The following RARG variants were observed in gnomAD, a reference collection of about 807,000 sequenced individuals.
The protein encoded by RARG is retinoic acid receptor gamma.
A neutral mutation model predicts 43.7 loss-of-function variants in RARG; 17 were observed. The observed-to-expected ratio is 0.39, with a 90% CI of 0.27 to 0.58. RARG has a LOEUF of 0.58. RARG is among the 20% of genes least tolerant of loss of function. The pLI, the probability that RARG is intolerant of heterozygous loss-of-function variation, is 0.57. For missense variants in RARG, 346 were observed against 598.7 expected (o/e 0.58, Z 4.40); for synonymous variants, 238 against 236.4 (o/e 1.01, Z -0.06).
In RARG at chr12:53,215,869, C is replaced by G; in HGVS notation, c.185-75G>C. The G allele has an allele frequency of 2.8e-6, 4 of 1,438,504 alleles. No individual in the cohort carries two copies. The highest frequency in any genetic ancestry group is 3.7e-6 in the Non-Finnish European group (4 of 1,077,576). The allele number at this position is 1,438,504 out of a possible 1,614,324, so 89.1% of individuals were successfully genotyped here. On this transcript the variant is annotated intron_variant, in intron 3 of 9. Transcript: ENST00000425354. This position sits in a 1 kb window ranked among gnomAD's most constrained non-coding sequence, Gnocchi z 6.4. ...CCTCCAGGCTTCCTCATCACACACA[C>G]CCCATGTGCATTTGTTCCTTGGCCC... is the stretch of plus-strand genomic sequence containing the variant.
rs1441380714 is a variant in RARG at position 53,213,895 on chromosome 12, T to C, written c.813+164A>G. ...GGAGGAGACAGGGCATCCAAAAGTC[T>C]AGGATCAGGTCATAGGGGCAGAGGC... is the stretch of plus-strand genomic sequence containing the variant. On this transcript the variant is annotated intron_variant, in intron 7 of 9. Transcript: ENST00000425354. The surrounding 1 kb of genome is among the most constrained non-coding windows in gnomAD (Gnocchi z 4.7). 4.6e-6 allele frequency: 5 copies of C among 1,087,696 alleles called. No homozygotes were observed. In the African/African-American group the frequency reaches 7.9e-5, roughly 17 times the overall value. The allele number at this position is 1,087,696 out of a possible 1,614,324, so 67.4% of individuals were successfully genotyped here. A position where few individuals can be genotyped will look rare whatever the true frequency, so the allele number is the denominator to read the frequency against.
At chr12:53,214,925 G>A in intron 5 of RARG, 1 of 412,484 alleles carries the variant, frequency 2.4e-6, no homozygotes, top group East Asian at 4.2e-5. Flanking sequence ...AGCCTTGGCA[G>A]CACAATGGGG....
intron 3 of RARG, among the ~76,000 whole-genome samples, chr12:53,216,821 A>AGTGTGTGTGTGTGTGTGTGTGT (rs35354918): frequency 1.4e-5 from 2 of 144,134 alleles, no homozygotes; most frequent in African/African-American, 5.3e-5. Context: ...CTGCTGGGTA[A>AGTGTGTGTGTGTGTGTGTGTGT]GTGTGTGTGT....
intron 5 of RARG, chr12:53,214,875 AG>A (rs576629205): frequency 4.1e-4 from 161 of 393,154 alleles, no homozygotes; most frequent in African/African-American, 3.0e-3. Flanking sequence ...GAGCTGGGGG[AG>A]GGGGGGCAGG....
intron 3 of RARG, among the ~76,000 whole-genome samples, chr12:53,216,208 T>C (rs57789211): frequency 0.12 from 18,334 of 152,124 alleles, 1,601 homozygotes; most frequent in African/African-American, 0.24. Context: ...CTTTGGTATA[T>C]CTTTGTCAGG....
chr12:53,225,095 G>A (rs1228492639), intron 3 of RARG, among the ~76,000 whole-genome samples: 2 of 152,172 alleles, frequency 1.3e-5, no homozygotes, highest in Admixed American at 1.3e-4. Flanking sequence ...TCTGCCAGAA[G>A]TACATTCATG....
At chr12:53,222,299 G>A (rs1017731968) in intron 3 of RARG, among the ~76,000 whole-genome samples, 1 of 95,724 alleles carries the variant, frequency 1.0e-5, no homozygotes, top group African/African-American at 8.0e-5. Context: ...GAGAAAGAAA[G>A]AGAGAGAGAG....
Position 53,215,006 on chromosome 12 carries a change from C to T in RARG, c.475+287G>A. 1 of 493,404 alleles carries T rather than the reference C, an allele frequency of 2.0e-6. No homozygotes were observed. The highest frequency in any genetic ancestry group is 3.6e-6 in the Non-Finnish European group (1 of 275,860). 30.6% of individuals were successfully genotyped at this position (493,404 alleles called of 1,614,324 possible). A position where few individuals can be genotyped will look rare whatever the true frequency, so the allele number is the denominator to read the frequency against. ...GCTCAGTCCAGGGGAGGGAAAGGGA[C>T]TGGCAAGCCCACTGGCTTCATTTCC... On this transcript the variant is annotated intron_variant, in intron 5 of 9. Coordinates refer to ENST00000425354, the MANE Select transcript of RARG (RefSeq NM_000966.6). This position sits in a 1 kb window ranked among gnomAD's most constrained non-coding sequence, Gnocchi z 6.4.
chr12:53,216,104 A>G (rs1042117065), intron 3 of RARG, among the ~76,000 whole-genome samples: 6 of 152,130 alleles, frequency 3.9e-5, no homozygotes, highest in Admixed American at 3.9e-4. Context: ...CATTCCGGAA[A>G]TTGACTTCTC....
intron 3 of RARG, among the ~76,000 whole-genome samples, chr12:53,221,284 A>G (rs1942954765): frequency 1.3e-5 from 2 of 151,594 alleles, no homozygotes; most frequent in Non-Finnish European, 2.9e-5. Context: ...ACGCCCCCTA[A>G]GCGCCTCGAC....
chr12:53,222,108 C>T (rs2120699258), intron 3 of RARG, among the ~76,000 whole-genome samples: 1 of 152,028 alleles, frequency 6.6e-6, no homozygotes, highest in East Asian at 1.9e-4. Context: ...GGGCTTGAAG[C>T]AGGGATGGAG....
At chr12:53,224,293 A>G (rs1943057265) in intron 3 of RARG, among the ~76,000 whole-genome samples, 1 of 151,654 alleles carries the variant, frequency 6.6e-6, no homozygotes, top group Non-Finnish European at 1.5e-5. Context: ...TCACTTCTCA[A>G]CAAGGATGTC....
At position 53,213,544 on chromosome 12, in the gene RARG, C is replaced by A. The variant is rs1452750916; in HGVS notation, c.970G>T (p.Asp324Tyr). ...CTGAGCAGCCCTGTCTCGGTGTCAT[C>A]CATCTCCAGGGGCAGGAGCTGCCCA... is the stretch of plus-strand genomic sequence containing the variant. ...FAGQLLPLEM[D>Y]DTETGLLSAI... Residue 324 changes from aspartate to tyrosine, a missense_variant, in exon 8 of 10, where the codon GAT (aspartate) becomes TAT (tyrosine). By Grantham distance (160) the Asp-to-Tyr change is radical. Transcript: ENST00000425354. This position sits in a 1 kb window ranked among gnomAD's most constrained non-coding sequence, Gnocchi z 4.7. The A allele has an allele frequency of 6.2e-7, 1 of 1,614,028 alleles. No individual in the cohort carries two copies.
At position 53,214,626 on chromosome 12, in the gene RARG, G is replaced by C. The variant is rs1234092507; in HGVS notation, c.476-20C>G. The C allele has an allele frequency of 6.3e-7, 1 of 1,589,686 alleles. No homozygotes were observed. The highest frequency in any genetic ancestry group is 8.6e-7 in the Non-Finnish European group (1 of 1,161,368). On this transcript the variant is annotated intron_variant, in intron 5 of 9. Coordinates refer to ENST00000425354, the MANE Select transcript of RARG (RefSeq NM_000966.6). ...GCACAGCTTGTGGGTGGAGGCGCAA[G>C]GAGAGGGTCAGGACCCTCAGAGCCT...
Position 53,227,801 on chromosome 12 carries a change from T to A in RARG, c.-142-114A>T, listed in dbSNP as rs1943142949. The A allele has an allele frequency of 5.0e-6, 4 of 805,440 alleles. No individual in the cohort carries two copies. The highest frequency in any genetic ancestry group is 6.6e-6 in the Non-Finnish European group (4 of 602,998). The allele number at this position is 805,440 out of a possible 1,614,324, so 49.9% of individuals were successfully genotyped here. On this transcript the variant is annotated intron_variant, in intron 2 of 9. Transcript: ENST00000425354. The surrounding 1 kb of genome is among the most constrained non-coding windows in gnomAD (Gnocchi z 4.3). ...CCCTCTGTGCTGCTACAGTTTATCC[T>A]GCCCTGGCTCAGGGCCCTTGCAGTG... is the stretch of plus-strand genomic sequence containing the variant.
chr12:53,223,518 C>T (rs1045873775), intron 3 of RARG, among the ~76,000 whole-genome samples: 1 of 137,330 alleles, frequency 7.3e-6, no homozygotes, highest in Non-Finnish European at 1.5e-5. Context: ...TGCCCGGCTC[C>T]CCCCGCCCCC....
At position 53,215,447 on chromosome 12, in the gene RARG, G is replaced by A. The variant is rs1395642289; in HGVS notation, c.334-13C>T. 2.5e-6 allele frequency: 4 copies of A among 1,613,942 alleles called. No homozygotes were observed. The highest frequency in any genetic ancestry group is 3.4e-6 in the Non-Finnish European group (4 of 1,179,892). On this transcript the variant is annotated splice_polypyrimidine_tract_variant and intron_variant, in intron 4 of 9. Coordinates refer to ENST00000425354, the MANE Select transcript of RARG (RefSeq NM_000966.6). This position sits in a 1 kb window ranked among gnomAD's most constrained non-coding sequence, Gnocchi z 6.4. ...GGCGAAAGAAGCCCTGGAGTTGAGG[G>A]AAAGAGAGAGGGCCTCTGAAGCACA... is the stretch of plus-strand genomic sequence containing the variant.
chr12:53,221,139 T>C (rs1331363618), intron 3 of RARG, among the ~76,000 whole-genome samples: 1 of 109,726 alleles, frequency 9.1e-6, no homozygotes, highest in African/African-American at 3.5e-5. Flanking sequence ...GCCCAGGCCG[T>C]CTTCAGCGCT....
At chr12:53,225,255 G>C (rs1943078042) in intron 3 of RARG, among the ~76,000 whole-genome samples, 1 of 152,162 alleles carries the variant, frequency 6.6e-6, no homozygotes, top group Non-Finnish European at 1.5e-5. Flanking sequence ...ACCCCTGTTG[G>C]ACTACAGACA....
Sources: allele counts gnomAD v4.1 joint callset (sites outside exome capture counted in the v4.1 genomes callset), GRCh38; gene constraint gnomAD v4.1.1; non-coding constraint Gnocchi (gnomAD v3.1); transcripts MANE v1.5; gene names NCBI Gene and HGNC (gene_info 2026-07-23, HGNC 2026-07-21).